COMMD1: variants seen among roughly 807,000 people sequenced by gnomAD.
The protein encoded by COMMD1 is copper metabolism domain containing 1, also known as COMM domain-containing protein 1.
COMMD1 carries 10 observed loss-of-function variants against 17.2 expected under a neutral mutation model. The ratio of observed to expected loss-of-function variants is 0.58; its 90% CI spans 0.36 to 0.99. The LOEUF (loss-of-function observed/expected upper bound fraction) is 0.99, where lower values mean the gene tolerates loss of function less well. Ranked by LOEUF, COMMD1 falls within the 50% of genes least tolerant of loss-of-function variation. The pLI is 0.01. For synonymous variants in COMMD1, 97 were observed against 91.6 expected (o/e 1.06, Z -0.34); for missense variants, 270 against 231.8 (o/e 1.17, Z -1.07).
chr2:61,892,884 CT>C (rs1052433728), intron 1 of COMMD1, among the ~76,000 whole-genome samples: 15 of 151,594 alleles, frequency 9.9e-5, no homozygotes, highest in African/African-American at 3.2e-4. Context: ...TTTTTCCCCC[CT>C]GAAACGGAGT....
chr2:61,961,064 G>C (rs1240473732), intron 1 of COMMD1, among the ~76,000 whole-genome samples: 6 of 152,222 alleles, frequency 3.9e-5, no homozygotes, highest in Admixed American at 2.0e-4. Context: ...CTGCCCTAGA[G>C]GGGAAAGGGA....
chr2:61,944,194 A>G (rs1348123749), intron 1 of COMMD1, among the ~76,000 whole-genome samples: 4 of 151,962 alleles, frequency 2.6e-5, no homozygotes, highest in Admixed American at 1.3e-4. Context: ...GCTTATGCCT[A>G]TAATCCTAGC....
At chr2:62,132,049 TG>T (rs527509512) in intron 2 of COMMD1, among the ~76,000 whole-genome samples, 116 of 152,126 alleles carry the variant, frequency 7.6e-4, no homozygotes, top group African/African-American at 2.7e-3. Flanking sequence ...CCACCAAGCC[TG>T]GCTAATTTTT....
intron 1 of COMMD1, among the ~76,000 whole-genome samples, chr2:61,925,187 G>A (rs1257014243): frequency 2.6e-5 from 4 of 151,662 alleles, no homozygotes; most frequent in Non-Finnish European, 4.4e-5. Flanking sequence ...AGGGGAGGGA[G>A]AGAGTGGGGG....
intron 2 of COMMD1, among the ~76,000 whole-genome samples, chr2:62,036,054 TCACACACACACACA>T (rs70946776): frequency 1.1e-4 from 16 of 143,314 alleles, no homozygotes; most frequent in African/African-American, 3.6e-4. Flanking sequence ...ACCCTGTCTC[TCACACACACACACA>T]CACACACACA....
chr2:61,996,332 G>A lies in COMMD1; in HGVS notation c.181-4369G>A, dbSNP rs917296750. On this transcript the variant is annotated intron_variant, in intron 1 of 2. Transcript: ENST00000311832. ...TTTCTAAATGTGTGTGTGTGTGTGT[G>A]TGTGTGTGTGTGTGTGTGTGTGTGT... Among the ~76,000 whole-genome samples the A allele has an allele frequency of 1.6e-3, 243 of 151,810 alleles. 6 individuals are homozygous for A. In the East Asian group the frequency reaches 0.034, roughly 21 times the overall value.
intron 1 of COMMD1, among the ~76,000 whole-genome samples, chr2:61,958,888 G>C (rs776096087): frequency 3.9e-5 from 6 of 152,052 alleles, no homozygotes; most frequent in Non-Finnish European, 7.4e-5. Flanking sequence ...ACTTCAGTTC[G>C]TGCTTTTGTA....
At chr2:62,010,230 C>G (rs1669240991) in intron 2 of COMMD1, among the ~76,000 whole-genome samples, 1 of 151,942 alleles carries the variant, frequency 6.6e-6, no homozygotes, top group South Asian at 2.1e-4. Flanking sequence ...CTTGAATTAC[C>G]TTGTCTTTGA....
chr2:62,011,876 A>G lies in COMMD1; in HGVS notation c.462+10894A>G, dbSNP rs552488392. On this transcript the variant is annotated intron_variant, in intron 2 of 2. Coordinates refer to ENST00000311832, the MANE Select transcript of COMMD1 (RefSeq NM_152516.4). ...ACTCTGTGATCCAGAGCTGAGAATC[A>G]TGAAATAAGAACAACAAAAAAGTTG... 7.9e-5 allele frequency among the ~76,000 whole-genome samples: 12 copies of G among 152,318 alleles called. No homozygotes were observed. In the East Asian group the frequency reaches 2.1e-3, roughly 27 times the overall value.
intron 1 of COMMD1, among the ~76,000 whole-genome samples, chr2:61,951,459 CA>C (rs78945501): frequency 0.066 from 6,454 of 97,994 alleles, 197 homozygotes; most frequent in East Asian, 0.19. Context: ...GACTCTGTCT[CA>C]AAAAAAAAAA....
chr2:62,103,100 T>C (rs1470080317), intron 2 of COMMD1, among the ~76,000 whole-genome samples: 1 of 151,670 alleles, frequency 6.6e-6, no homozygotes, highest in Non-Finnish European at 1.5e-5. Context: ...TGCCTCAGCC[T>C]CCAGAGAAGC....
chr2:62,039,661 G>A (rs1410087558), intron 2 of COMMD1, among the ~76,000 whole-genome samples: 1 of 152,218 alleles, frequency 6.6e-6, no homozygotes, highest in Non-Finnish European at 1.5e-5. Flanking sequence ...TCTGTCTGAC[G>A]AAGGAACATA....
chr2:61,961,507 A>G (rs1322323487), intron 1 of COMMD1, among the ~76,000 whole-genome samples: 2 of 152,194 alleles, frequency 1.3e-5, no homozygotes, highest in Non-Finnish European at 2.9e-5. Context: ...TGGAATATAT[A>G]TATACTAATA....
chr2:61,986,570 T>G (rs1198120054), intron 1 of COMMD1, among the ~76,000 whole-genome samples: 1 of 144,442 alleles, frequency 6.9e-6, no homozygotes, highest in African/African-American at 2.6e-5. Context: ...CATTCTTTTT[T>G]TTTTTTTTTT....
rs566902462 is a variant in COMMD1, at chr2:61,942,135, G to C, written c.180+36277G>C. Reference sequence around the variant, plus strand: ...GTTTATTTATTTTTGAGACAGTCTTGCTCTGTCGCCCAGGCTGGAGTGCAG... The same window carrying C: ...GTTTATTTATTTTTGAGACAGTCTTCCTCTGTCGCCCAGGCTGGAGTGCAG... On this transcript the variant is annotated intron_variant, in intron 1 of 2. Transcript: ENST00000311832. Among the ~76,000 whole-genome samples the C allele has an allele frequency of 1.4e-3, 206 of 152,204 alleles. 1 individual carries two copies. Among genetic ancestry groups the C allele is most frequent in the Non-Finnish European group, 1.8e-3 (125 of 68,000 alleles).
chr2:61,985,352 A>G (rs920529416), intron 1 of COMMD1, among the ~76,000 whole-genome samples: 5 of 152,056 alleles, frequency 3.3e-5, no homozygotes, highest in African/African-American at 7.2e-5. Context: ...ACCCGGCCCT[A>G]TGTGTGTCTT....
intron 2 of COMMD1, among the ~76,000 whole-genome samples, chr2:62,121,838 T>C (rs972681257): frequency 6.6e-6 from 1 of 152,094 alleles, no homozygotes; most frequent in Non-Finnish European, 1.5e-5. Flanking sequence ...GTCACCCAGG[T>C]TGGAGTGCAG....
intron 1 of COMMD1, among the ~76,000 whole-genome samples, chr2:61,992,084 A>G (rs1018812386): frequency 6.6e-6 from 1 of 152,248 alleles, no homozygotes; most frequent in African/African-American, 2.4e-5. Flanking sequence ...GCATTATATC[A>G]TTAGAACACA....
chr2:61,918,901 T>C (rs1206843604), intron 1 of COMMD1, among the ~76,000 whole-genome samples: 1 of 152,334 alleles, frequency 6.6e-6, no homozygotes, highest in African/African-American at 2.4e-5. Context: ...TTTGGACTTC[T>C]GTTATGTGGT....
Sources: gnomAD v4.1 joint callset for allele counts (sites outside exome capture counted in the v4.1 genomes callset) on GRCh38, gnomAD v4.1.1 for gene constraint, MANE v1.5 for transcripts, NCBI Gene and HGNC (gene_info 2026-07-23, HGNC 2026-07-21) for gene names.